CNOT2: variants seen among roughly 807,000 people sequenced by gnomAD.
CNOT2 encodes the protein CCR4-NOT transcription complex subunit 2, also known as CC chemokine receptor 4-negative regulator of transcription 2.
CNOT2 carries 7 observed loss-of-function variants against 72.1 expected under a neutral mutation model. The observed-to-expected ratio is 0.10, with a 90% CI of 0.06 to 0.18. The LOEUF is 0.18. CNOT2 is among the 10% of genes least tolerant of loss of function. The pLI, the probability that CNOT2 is intolerant of heterozygous loss-of-function variation, is 1.00. For synonymous variants in CNOT2, 196 were observed against 225.6 expected (o/e 0.87, Z 1.17); for missense variants, 345 against 660.3 (o/e 0.52, Z 5.23).
intron 1 of CNOT2, among the ~76,000 whole-genome samples, chr12:70,256,507 A>G (rs1217851250): frequency 6.7e-6 from 1 of 149,380 alleles, no homozygotes; most frequent in Non-Finnish European, 1.5e-5. Context: ...AGGAAGTAAT[A>G]GTGTTATTTA....
intron 1 of CNOT2, among the ~76,000 whole-genome samples, chr12:70,267,071 G>A (rs1033501216): frequency 6.6e-6 from 1 of 151,428 alleles, no homozygotes; most frequent in Admixed American, 6.6e-5. Flanking sequence ...TATATTCTTT[G>A]TGTATTTTTT....
chr12:70,346,781 CTA>C (rs747165756), intron 15 of CNOT2, among the ~76,000 whole-genome samples: 2 of 152,166 alleles, frequency 1.3e-5, no homozygotes, highest in Non-Finnish European at 2.9e-5. Flanking sequence ...CAGGCGTTAA[CTA>C]TGACTATTTC....
chr12:70,268,088 A>G (rs1447186497), intron 1 of CNOT2, among the ~76,000 whole-genome samples: 2 of 152,160 alleles, frequency 1.3e-5, no homozygotes, highest in Non-Finnish European at 2.9e-5. Context: ...ATAAAACTCT[A>G]AGTTTTCTAC....
chr12:70,302,018 T>C (rs184039991), intron 2 of CNOT2, among the ~76,000 whole-genome samples: 6 of 152,360 alleles, frequency 3.9e-5, no homozygotes, highest in Admixed American at 3.9e-4. Context: ...GAGGTGTTTA[T>C]AGTATTCTCT....
chr12:70,349,850 G>A (rs1882654187), intron 15 of CNOT2, among the ~76,000 whole-genome samples: 2 of 152,006 alleles, frequency 1.3e-5, no homozygotes, highest in South Asian at 4.1e-4. Flanking sequence ...AAGAGAGAGA[G>A]AGAGAAACAT....
chr12:70,302,909 G>A (rs1375520453), intron 2 of CNOT2, among the ~76,000 whole-genome samples: 4 of 152,162 alleles, frequency 2.6e-5, no homozygotes, highest in Non-Finnish European at 5.9e-5. Flanking sequence ...CCTGTATTGG[G>A]TGTATATATA....
At position 70,344,125 on chromosome 12, in the gene CNOT2, C is replaced by T. The variant is rs1881863484; in HGVS notation, c.1291-3C>T. ...TTCAGAATAAGTTATTTTTCTTTTT[C>T]AGCTGGCTGCAATAAAACTTGGCCG... On this transcript the variant is annotated splice_region_variant and splice_polypyrimidine_tract_variant and intron_variant, in intron 13 of 15. Coordinates refer to ENST00000229195, the MANE Select transcript of CNOT2 (RefSeq NM_014515.7). 6.3e-7 allele frequency: 1 copy of T among 1,587,354 alleles called. No homozygotes were observed. Among genetic ancestry groups the T allele is most frequent in the Non-Finnish European group, 8.6e-7 (1 of 1,165,854 alleles).
At chr12:70,294,833 T>A (rs1872567751) in intron 2 of CNOT2, among the ~76,000 whole-genome samples, 1 of 152,186 alleles carries the variant, frequency 6.6e-6, no homozygotes, top group African/African-American at 2.4e-5. Flanking sequence ...GACTGGAACA[T>A]TTCTACCAAT....
chr12:70,278,463 T>C, intron 2 of CNOT2, 189 bp downstream of exon 2: 1 of 490,212 alleles, frequency 2.0e-6, no homozygotes, highest in Non-Finnish European at 3.6e-6. Flanking sequence ...AAATAAAGCA[T>C]ATTCATAATG....
At chr12:70,315,713 G>A (rs574511266) in intron 3 of CNOT2, among the ~76,000 whole-genome samples, 84 of 152,218 alleles carry the variant, frequency 5.5e-4, no homozygotes, top group Non-Finnish European at 1.0e-3. Flanking sequence ...GTGCATTGTA[G>A]ATTTCTGAGA....
At chr12:70,319,201 T>G (rs971013706) in intron 3 of CNOT2, 97 bp from the exon 4 acceptor site, 13 of 952,026 alleles carry the variant, frequency 1.4e-5, no homozygotes, top group Non-Finnish European at 2.0e-5. Context: ...AAATGTTAGA[T>G]TTTCACATTT....
chr12:70,348,287 A>T (rs1169066935), intron 15 of CNOT2, among the ~76,000 whole-genome samples: 1 of 152,204 alleles, frequency 6.6e-6, no homozygotes, highest in African/African-American at 2.4e-5. Context: ...TATAGCTTGT[A>T]TCAGAATTAC....
At chr12:70,297,618 AT>A in intron 2 of CNOT2, 1 of 186,592 alleles carries the variant, frequency 5.4e-6, no homozygotes, top group Non-Finnish European at 1.2e-5. Context: ...GAAAGGTTAA[AT>A]TGTGTTCACT....
intron 6 of CNOT2, chr12:70,330,726 C>T (rs1029275841): frequency 2.8e-6 from 1 of 357,262 alleles, no homozygotes; most frequent in African/African-American, 2.1e-5. Context: ...CGCCACCAGG[C>T]AAATTTTGGT....
At chr12:70,310,640 G>C (rs774198437) in intron 2 of CNOT2, among the ~76,000 whole-genome samples, 3 of 151,992 alleles carry the variant, frequency 2.0e-5, no homozygotes, top group Non-Finnish European at 2.9e-5. Flanking sequence ...GGTATACTTA[G>C]TTTTTTAAAA....
At chr12:70,246,286 A>G (rs971911808) in intron 1 of CNOT2, among the ~76,000 whole-genome samples, 2 of 152,174 alleles carry the variant, frequency 1.3e-5, no homozygotes, top group African/African-American at 4.8e-5. Context: ...GCAAACTAAC[A>G]ATGCCATGTG....
chr12:70,261,620 T>C (rs950518102), intron 1 of CNOT2, among the ~76,000 whole-genome samples: 19 of 151,996 alleles, frequency 1.3e-4, no homozygotes, highest in African/African-American at 4.1e-4. Context: ...CTGGCCAGTT[T>C]TTGTGCCTAT....
chr12:70,335,348 A>G, intron 7 of CNOT2, 90 bp from the exon 8 acceptor site: 1 of 945,406 alleles, frequency 1.1e-6, no homozygotes, highest in Non-Finnish European at 1.7e-6. Flanking sequence ...AAGAAGGCGC[A>G]ATCATTTCGA....
intron 15 of CNOT2, among the ~76,000 whole-genome samples, chr12:70,349,489 G>C (rs1355487726): frequency 6.6e-6 from 1 of 152,012 alleles, no homozygotes; most frequent in East Asian, 1.9e-4. Flanking sequence ...CATAATCCTG[G>C]AGTCCATTCA....
Sources: gnomAD v4.1 joint callset for allele counts (sites outside exome capture counted in the v4.1 genomes callset) on GRCh38, gnomAD v4.1.1 for gene constraint, MANE v1.5 for transcripts, NCBI Gene and HGNC (gene_info 2026-07-23, HGNC 2026-07-21) for gene names.